SH3KBP1: variants seen among roughly 807,000 people sequenced by gnomAD.
SH3KBP1 encodes the protein SH3 domain-containing kinase-binding protein 1.
In SH3KBP1, 8 loss-of-function variants were observed where a neutral mutation model predicts 50.1. The observed-to-expected ratio is 0.16, with a 90% CI of 0.09 to 0.29. The LOEUF (loss-of-function observed/expected upper bound fraction) is 0.29, where lower values mean the gene tolerates loss of function less well. Ranked by LOEUF, SH3KBP1 falls within the 10% of genes least tolerant of loss-of-function variation. The probability of loss-of-function intolerance (pLI) is 1.00; values close to 1 mark genes in which losing one functional copy is unlikely to be tolerated. For missense variants in SH3KBP1, 377 were observed against 535.2 expected (o/e 0.70, Z 2.92); for synonymous variants, 227 against 218.6 (o/e 1.04, Z -0.34).
intron 13 of SH3KBP1, among the ~76,000 whole-genome samples, chrX:19,561,543 G>GC (rs1380825821): frequency 3.6e-5 from 4 of 111,391 alleles, no homozygotes. Context: ...CCTTTTCCTT[G>GC]CCCCCAACAT....
intron 2 of SH3KBP1, among the ~76,000 whole-genome samples, chrX:19,765,343 G>A (rs1467412833): frequency 9.0e-6 from 1 of 111,041 alleles, no homozygotes; most frequent in Non-Finnish European, 1.9e-5. Context: ...TGGAGGTGTT[G>A]GCAGGCTGCA....
chrX:19,813,160 A>G lies in SH3KBP1; in HGVS notation c.162+22965T>C, dbSNP rs867634784. On this transcript the variant is annotated intron_variant, in intron 2 of 17. Transcript: ENST00000397821. The stretch of plus-strand genomic sequence containing the variant: ...CCTGTCTCCAAAAACAAACAAAAAA[A>G]AAGAAGAAGAAGAAGAAGAAGAAGA... 3.9e-4 allele frequency among the ~76,000 whole-genome samples: 41 copies of G among 104,574 alleles called. No homozygotes were observed. The Middle Eastern group carries it at 0.014, about 37-fold the overall frequency. The allele number at this position is 104,574 out of a possible 115,157, so 90.8% of individuals were successfully genotyped here. A position where few individuals can be genotyped will look rare whatever the true frequency, so the allele number is the denominator to read the frequency against.
At chrX:19,792,008 G>A (rs757016800) in intron 2 of SH3KBP1, among the ~76,000 whole-genome samples, 7 of 111,589 alleles carry the variant, frequency 6.3e-5, no homozygotes, top group Non-Finnish European at 1.3e-4. Flanking sequence ...AAAAATTACA[G>A]TGATGGTAAC....
chrX:19,661,477 T>C (rs1341663642), intron 6 of SH3KBP1, among the ~76,000 whole-genome samples: 3 of 111,160 alleles, frequency 2.7e-5, no homozygotes, highest in African/African-American at 9.8e-5. Flanking sequence ...GCAAAAGGAC[T>C]GAAAGTAAAT....
chrX:19,805,267 C>A (rs973925151), intron 2 of SH3KBP1, among the ~76,000 whole-genome samples: 1 of 110,975 alleles, frequency 9.0e-6, no homozygotes, highest in Non-Finnish European at 1.9e-5. Flanking sequence ...ATGTTTAAAG[C>A]TGCCAGTCGA....
rs147127365 is a variant in SH3KBP1 at position 19,752,512 on chromosome X, T to C, written c.163-6071A>G. ...ATGATGTACTGTATGATTCCAATTA[T>C]GTGAAACCCAACAACAGGCAAAATT... On this transcript the variant is annotated intron_variant, in intron 2 of 17. Coordinates refer to ENST00000397821, the MANE Select transcript of SH3KBP1 (RefSeq NM_031892.3). Among the ~76,000 whole-genome samples the C allele has an allele frequency of 7.7e-3, 866 of 112,453 alleles. 4 individuals are homozygous for C. The highest frequency in any genetic ancestry group is 0.013 in the Non-Finnish European group (676 of 53,264).
chrX:19,683,664 C>A (rs2063107691), intron 6 of SH3KBP1, among the ~76,000 whole-genome samples, 159 bp downstream of exon 6: 1 of 111,223 alleles, frequency 9.0e-6, no homozygotes. Flanking sequence ...GTCGTTCCCA[C>A]ACAGAGGGAG....
intron 1 of SH3KBP1, among the ~76,000 whole-genome samples, chrX:19,872,360 CTG>C (rs1569492775): frequency 9.1e-6 from 1 of 109,985 alleles, no homozygotes; most frequent in East Asian, 2.8e-4. Flanking sequence ...TCACCTTTCA[CTG>C]TGTATCCTCT....
intron 2 of SH3KBP1, among the ~76,000 whole-genome samples, chrX:19,819,551 T>A (rs59642699): frequency 0.03 from 3,309 of 110,796 alleles, 138 homozygotes; most frequent in African/African-American, 0.1. Flanking sequence ...TGTCTTGCTA[T>A]GCTGCCCAGG....
intron 6 of SH3KBP1, among the ~76,000 whole-genome samples, chrX:19,664,976 G>A (rs1026741741): frequency 3.6e-5 from 4 of 111,956 alleles, no homozygotes; most frequent in Admixed American, 9.5e-5. Flanking sequence ...AGTTTTGCAC[G>A]ACTCTAGGAT....
chrX:19,827,595 C>T (rs1341483805), intron 2 of SH3KBP1, among the ~76,000 whole-genome samples: 1 of 110,585 alleles, frequency 9.0e-6, no homozygotes, highest in Non-Finnish European at 1.9e-5. Context: ...GAAAAGGCTG[C>T]TTATACATGC....
In SH3KBP1 at chrX:19,593,321, T is replaced by TA. The variant is rs907757624; in HGVS notation, c.1058-1175dup. 6.3e-5 allele frequency among the ~76,000 whole-genome samples: 7 copies of TA among 111,062 alleles called. No individual in the cohort carries two copies. The South Asian group carries it at 1.1e-3, about 18-fold the overall frequency. On this transcript the variant is annotated intron_variant, in intron 10 of 17. Transcript: ENST00000397821. ...CACAACCTCAGAGAACAAAAGAAGT[T>TA]AAAAAAAATATCCACCAAACACATC...
chrX:19,598,586 A>G (rs1430469828), intron 9 of SH3KBP1, among the ~76,000 whole-genome samples: 1 of 111,714 alleles, frequency 9.0e-6, no homozygotes, highest in East Asian at 2.8e-4. Context: ...TTAAAGTGAC[A>G]GATATGTGGC....
intron 6 of SH3KBP1, among the ~76,000 whole-genome samples, chrX:19,657,976 T>G (rs764766028): frequency 7.3e-4 from 81 of 110,392 alleles, no homozygotes; most frequent in Non-Finnish European, 1.2e-3. Context: ...AAAAAAGTTC[T>G]GGAGATGGAT....
At chrX:19,723,243 A>C (rs776711974) in intron 3 of SH3KBP1, among the ~76,000 whole-genome samples, 2 of 111,825 alleles carry the variant, frequency 1.8e-5, no homozygotes, top group Non-Finnish European at 3.8e-5. Flanking sequence ...CATGAAATGT[A>C]CAAAGATATA....
chrX:19,648,030 T>C (rs773705446), intron 6 of SH3KBP1: 40 of 373,155 alleles, frequency 1.1e-4, no homozygotes, highest in Admixed American at 9.4e-4. Context: ...CTAGATAAAT[T>C]ATGAAACATC....
rs201544483 is a variant in SH3KBP1 at position 19,643,300 on chromosome X, A to ATTTTTTTTTTTTTTTTTTTTTT, written c.802+2099_802+2100insAAAAAAAAAAAAAAAAAAAAAA. Reference sequence around the variant, plus strand: ...AGTGTGTGTGGGCTGAAACTGAAGAATTTTTTATTTTTTTTTTTTTTATTT... The same window carrying ATTTTTTTTTTTTTTTTTTTTTT: ...AGTGTGTGTGGGCTGAAACTGAAGAATTTTTTTTTTTTTTTTTTTTTTTTTTTTATTTTTTTTTTTTTTATTT... On this transcript the variant is annotated intron_variant, in intron 7 of 17. Coordinates refer to ENST00000397821, the MANE Select transcript of SH3KBP1 (RefSeq NM_031892.3). Among the ~76,000 whole-genome samples, 3 of 86,908 alleles carry ATTTTTTTTTTTTTTTTTTTTTT rather than the reference A, an allele frequency of 3.5e-5. 1 individual carries two copies. Among genetic ancestry groups the ATTTTTTTTTTTTTTTTTTTTTT allele is most frequent in the African/African-American group, 1.1e-4 (2 of 17,408 alleles). 75.5% of individuals were successfully genotyped at this position (86,908 alleles called of 115,157 possible). A position where few individuals can be genotyped will look rare whatever the true frequency, so the allele number is the denominator to read the frequency against.
rs1339464732 is a variant in SH3KBP1, at chrX:19,572,687, T to C, written c.1299-3499A>G. Among the ~76,000 whole-genome samples the C allele has an allele frequency of 6.3e-5, 7 of 111,255 alleles. No individual in the cohort carries two copies. In the East Asian group the frequency reaches 8.4e-4, roughly 13 times the overall value. ...TTATGCATCAGTGTGTTTTTCACAG[T>C]GTTATTTGTAATGAAGAAAAACTGA... On this transcript the variant is annotated intron_variant, in intron 12 of 17. Transcript: ENST00000397821.
intron 9 of SH3KBP1, among the ~76,000 whole-genome samples, chrX:19,595,397 T>C (rs2066871815): frequency 8.9e-6 from 1 of 112,330 alleles, no homozygotes; most frequent in South Asian, 3.6e-4. Context: ...AGATTCAAAA[T>C]TGAATCTGCT....
Sources: allele counts gnomAD v4.1 joint callset (sites outside exome capture counted in the v4.1 genomes callset), GRCh38; gene constraint gnomAD v4.1.1; transcripts MANE v1.5; gene names NCBI Gene and HGNC (gene_info 2026-07-23, HGNC 2026-07-21).